The following ZNF454 variants were observed in gnomAD, a reference collection of about 807,000 sequenced individuals.
ZNF454 encodes the protein zinc finger protein 454.
A neutral mutation model predicts 48.2 loss-of-function variants in ZNF454; 30 were observed. The observed-to-expected ratio is 0.62, with a 90% confidence interval of 0.47 to 0.84. The LOEUF (loss-of-function observed/expected upper bound fraction) is 0.84. Among genes scored for constraint, ZNF454 ranks in the 40% least tolerant of loss-of-function variants. ZNF454 has a pLI of 0.00. For missense variants in ZNF454, 510 were observed against 623.1 expected (o/e 0.82, Z 1.93); for synonymous variants, 204 against 211.4 (o/e 0.97, Z 0.30).
intron 4 of ZNF454, among the ~76,000 whole-genome samples, chr5:178,963,752 T>G (rs1429316075): frequency 6.6e-6 from 1 of 151,798 alleles, no homozygotes; most frequent in Non-Finnish European, 1.5e-5. Flanking sequence ...GAGACATTGC[T>G]TCCTCACAAG....
At chr5:178,985,714 A>G in the ZNF454 span, 4 of 388,414 alleles carry the variant, frequency 1.0e-5, no homozygotes, top group Admixed American at 1.3e-4. Context: ...AAAAAAAAAA[A>G]CAAAACAACA....
downstream of ZNF454, among the ~76,000 whole-genome samples, chr5:178,969,868 C>T (rs914231666): frequency 4.6e-5 from 7 of 152,010 alleles, no homozygotes; most frequent in African/African-American, 1.2e-4. Flanking sequence ...TCCTTGTTAC[C>T]GAAAAAAAAC....
chr5:178,982,576 CAAAAAAAAAA>C, the ZNF454 span, among the ~76,000 whole-genome samples: 3 of 20,168 alleles, frequency 1.5e-4, no homozygotes, highest in African/African-American at 5.1e-4. Flanking sequence ...GACTCTGTCT[CAAAAAAAAAA>C]AAAAAAAAAA....
rs1191180293 is a variant in ZNF454, at chr5:178,964,776, C to G, written c.372C>G (p.Ser124Arg). The G allele has an allele frequency of 6.2e-7, 1 of 1,614,130 alleles. No homozygotes were observed. Among genetic ancestry groups the G allele is most frequent in the South Asian group, 1.1e-5 (1 of 91,090 alleles). ...GCAGTAGTCACTGGAAGTGTGCTAG[C>G]CTGCTGGAGTGGCAATGTGGAGGCC... ...FSSSSHWKCASLLEWQCGGQE... is the reference protein window; with the variant it reads ...FSSSSHWKCARLLEWQCGGQE... Residue 124 changes from serine (S) to arginine (R), a missense_variant, in exon 5 of 5, where the codon AGC (serine) becomes AGG (arginine). Physicochemically the swap from Ser to Arg is moderately radical, Grantham distance 110. This residue lies in a region of ZNF454 where 354 missense variants were observed against 408.9 expected (regional missense o/e 0.87). Coordinates refer to ENST00000519564, the MANE Select transcript of ZNF454 (RefSeq NM_001178089.3).
the ZNF454 span, chr5:178,989,295 G>C: frequency 6.2e-7 from 1 of 1,609,866 alleles, no homozygotes; most frequent in Non-Finnish European, 8.5e-7. Flanking sequence ...TCGTCTGACT[G>C]GGTACCTGAG....
chr5:178,984,249 G>A, the ZNF454 span, among the ~76,000 whole-genome samples: 8 of 151,754 alleles, frequency 5.3e-5, no homozygotes, highest in South Asian at 6.3e-4. Context: ...CCACCAAAAC[G>A]GCCCACAGAT....
chr5:178,981,423 C>CTT, the ZNF454 span: 1 of 479,696 alleles, frequency 2.1e-6, no homozygotes, highest in Non-Finnish European at 3.8e-6. The surrounding 1 kb of genome is among the most constrained non-coding windows in gnomAD (Gnocchi z 5.1). Context: ...GGCTGTTTCC[C>CTT]ACCATGGGAA....
intron 4 of ZNF454, among the ~76,000 whole-genome samples, chr5:178,959,812 A>G (rs1440887876): frequency 1.3e-5 from 2 of 151,502 alleles, no homozygotes; most frequent in Non-Finnish European, 2.9e-5. Context: ...TCACCGTGTT[A>G]GCCAGGATGG....
the ZNF454 span, among the ~76,000 whole-genome samples, chr5:178,973,902 C>T: frequency 1.3e-5 from 2 of 150,174 alleles, no homozygotes; most frequent in Non-Finnish European, 3.0e-5. Flanking sequence ...ATTTATATTA[C>T]TTCTGCCATT....
chr5:178,948,825 C>A (rs1029980247), intron 4 of ZNF454, among the ~76,000 whole-genome samples: 1 of 148,232 alleles, frequency 6.7e-6, no homozygotes, highest in African/African-American at 2.5e-5. Context: ...ATAAATTATT[C>A]TATGAATTTA....
At chr5:178,986,678 C>T in the ZNF454 span, 7 of 1,603,404 alleles carry the variant, frequency 4.4e-6, no homozygotes, top group South Asian at 2.2e-5. Flanking sequence ...TTCTTCCGCT[C>T]CCCCGGCCCG....
chr5:178,987,533 G>GA, the ZNF454 span: 2 of 436,666 alleles, frequency 4.6e-6, no homozygotes, highest in Non-Finnish European at 9.3e-6. Context: ...TGGAGGACAT[G>GA]ATGCTCGGTG....
the ZNF454 span, chr5:178,982,866 ACAGG>A: frequency 7.4e-7 from 1 of 1,360,214 alleles, no homozygotes; most frequent in East Asian, 2.3e-5. Flanking sequence ...GACCAGCCTG[ACAGG>A]CAGGAAACAG....
At chr5:178,986,517 C>G in the ZNF454 span, 1 of 1,608,796 alleles carries the variant, frequency 6.2e-7, no homozygotes, top group African/African-American at 1.3e-5. Flanking sequence ...AGGACCAGCT[C>G]AGGCGCACCA....
At chr5:178,987,663 G>T in the ZNF454 span, among the ~76,000 whole-genome samples, 1 of 152,200 alleles carries the variant, frequency 6.6e-6, no homozygotes, top group Non-Finnish European at 1.5e-5. Flanking sequence ...GGGAGGAGGG[G>T]ATGGGGAAGT....
At chr5:178,951,052 G>A (rs573703316) in intron 4 of ZNF454, among the ~76,000 whole-genome samples, 3 of 152,000 alleles carry the variant, frequency 2.0e-5, no homozygotes, top group African/African-American at 7.2e-5. Flanking sequence ...TAGAGATGGG[G>A]TTTCACCATG....
the ZNF454 span, chr5:178,978,897 A>G: frequency 6.6e-6 from 1 of 152,138 alleles, no homozygotes; most frequent in Non-Finnish European, 1.5e-5. Flanking sequence ...ATTCAAACCC[A>G]TGCATGCAAA....
Position 178,966,093 on chromosome 5 carries a change from G to T in ZNF454, c.*120G>T. On this transcript the variant is annotated 3_prime_UTR_variant, in exon 5 of 5. Coordinates refer to ENST00000519564, the MANE Select transcript of ZNF454 (RefSeq NM_001178089.3). ...CATCAAGATAGTCACTTTATTTACT[G>T]AGGGTCAGGTTTCACAGTGTCATGG... 1 of 952,820 alleles carries T rather than the reference G, an allele frequency of 1.0e-6. No homozygotes were observed. 59.0% of individuals were successfully genotyped at this position (952,820 alleles called of 1,614,324 possible). A position where few individuals can be genotyped will look rare whatever the true frequency, so the allele number is the denominator to read the frequency against.
At chr5:178,949,436 T>TA (rs995550808) in intron 4 of ZNF454, among the ~76,000 whole-genome samples, 22 of 152,244 alleles carry the variant, frequency 1.4e-4, no homozygotes, top group African/African-American at 5.3e-4. Flanking sequence ...GTTATATTTT[T>TA]AAAAAATAGA....
Sources: allele counts gnomAD v4.1 joint callset (sites outside exome capture counted in the v4.1 genomes callset), GRCh38; gene constraint gnomAD v4.1.1; regional missense constraint gnomAD v4.1.1; non-coding constraint Gnocchi (gnomAD v3.1); transcripts MANE v1.5; gene names NCBI Gene and HGNC (gene_info 2026-07-23, HGNC 2026-07-21).